Variants in PCLO observed in about 807,000 individuals in gnomAD.
PCLO encodes the protein piccolo presynaptic cytomatrix protein.
Under a neutral mutation model 427.5 loss-of-function variants are expected in PCLO, and 82 were observed. That is an observed-to-expected ratio of 0.19 (90% CI 0.16 to 0.23). The LOEUF (loss-of-function observed/expected upper bound fraction) is 0.23, where lower values mean the gene tolerates loss of function less well. Ranked by LOEUF, PCLO falls within the 10% of genes least tolerant of loss-of-function variation. The pLI is 1.00. For missense variants in PCLO, 6,239 were observed against 6,115.9 expected (o/e 1.02, Z -0.67); for synonymous variants, 2,357 against 2,155.4 (o/e 1.09, Z -2.59).
chr7:82,940,930 T>C (rs1470231553), intron 6 of PCLO, among the ~76,000 whole-genome samples: 1 of 151,348 alleles, frequency 6.6e-6, no homozygotes, highest in Non-Finnish European at 1.5e-5. Context: ...GCCCGGCTAA[T>C]TTTTTGTATT....
At chr7:82,788,211 T>C (rs6972401) in intron 22 of PCLO, among the ~76,000 whole-genome samples, 3,072 of 147,560 alleles carry the variant, frequency 0.021, 62 homozygotes, top group Admixed American at 0.038. Flanking sequence ...ATTTAATATA[T>C]AATTAATAAT....
Position 82,955,898 on chromosome 7 carries a change from T to G in PCLO, c.5055A>C (p.Ser1685=). Residue 1685 remains serine (S), a synonymous_variant, in exon 5 of 25, where the codon TCA becomes TCC. Coordinates refer to ENST00000333891, the MANE Select transcript of PCLO (RefSeq NM_033026.6). ...CAAAATACAAACTTGTTTTTTTCTGTGATGACTCTGCAGAATATTTATCTG... is the reference window on the plus strand; with the variant it reads ...CAAAATACAAACTTGTTTTTTTCTGGGATGACTCTGCAGAATATTTATCTG... The part of the protein sequence containing the change: ...TIADKYSAES[S]QKKTSLYFDE... The G allele has an allele frequency of 1.2e-6, 2 of 1,613,966 alleles. No homozygotes were observed. Among genetic ancestry groups the G allele is most frequent in the Non-Finnish European group, 8.5e-7 (1 of 1,179,876 alleles).
chr7:83,025,384 C>T (rs1359639552), intron 3 of PCLO, among the ~76,000 whole-genome samples: 19 of 149,858 alleles, frequency 1.3e-4, no homozygotes, highest in African/African-American at 4.2e-4. Flanking sequence ...TGAAATGAAG[C>T]GAGAAGGGAA....
chr7:83,087,319 G>A (rs1180544607), intron 3 of PCLO, among the ~76,000 whole-genome samples: 1 of 151,912 alleles, frequency 6.6e-6, no homozygotes, highest in African/African-American at 2.4e-5. Context: ...GGTGGGAGGA[G>A]GGCGACAGAT....
intron 3 of PCLO, among the ~76,000 whole-genome samples, chr7:83,091,118 C>A (rs1790367129): frequency 6.6e-6 from 1 of 152,042 alleles, no homozygotes; most frequent in Non-Finnish European, 1.5e-5. Context: ...TCTCCCACTT[C>A]CACTCACTGA....
At chr7:83,024,938 C>T (rs1195240772) in intron 3 of PCLO, among the ~76,000 whole-genome samples, 2 of 152,124 alleles carry the variant, frequency 1.3e-5, no homozygotes, top group Non-Finnish European at 2.9e-5. Context: ...GACATCTACA[C>T]CAAAAACCCA....
intron 3 of PCLO, among the ~76,000 whole-genome samples, chr7:83,036,302 T>C (rs751118957): frequency 1.3e-5 from 2 of 152,134 alleles, no homozygotes; most frequent in Non-Finnish European, 2.9e-5. Context: ...TAGGTCTGGG[T>C]GGGGAAAGAG....
chr7:83,143,012 G>C (rs1047688854), intron 2 of PCLO, among the ~76,000 whole-genome samples: 2 of 151,960 alleles, frequency 1.3e-5, no homozygotes, highest in African/African-American at 4.8e-5. Context: ...TGGATACCAA[G>C]TAATTTTTAG....
chr7:82,842,054 T>G (rs1792381024), intron 13 of PCLO, among the ~76,000 whole-genome samples: 1 of 152,008 alleles, frequency 6.6e-6, no homozygotes, highest in African/African-American at 2.4e-5. Flanking sequence ...TAAAATTCAT[T>G]TACAGCCACA....
At position 83,100,286 on chromosome 7, in the gene PCLO, T is replaced by A. The variant is rs185676951; in HGVS notation, c.3300+33964A>T. Reference sequence around the variant, plus strand: ...AAAGACCTAAGGACAGAAATACCATTCAATCTAGCAATGTCATTACTGGGA... The same window carrying A: ...AAAGACCTAAGGACAGAAATACCATACAATCTAGCAATGTCATTACTGGGA... On this transcript the variant is annotated intron_variant, in intron 3 of 24. Transcript: ENST00000333891. 8.8e-3 allele frequency among the ~76,000 whole-genome samples: 1,336 copies of A among 152,214 alleles called. 9 individuals carry two copies. The highest frequency in any genetic ancestry group is 0.014 in the Non-Finnish European group (940 of 68,024).
At chr7:82,998,935 T>C (rs917485941) in intron 3 of PCLO, among the ~76,000 whole-genome samples, 2 of 151,644 alleles carry the variant, frequency 1.3e-5, no homozygotes, top group Non-Finnish European at 2.9e-5. Flanking sequence ...AGATGAAGTA[T>C]ATAACATGTA....
chr7:83,060,949 A>C (rs764347959), intron 3 of PCLO, among the ~76,000 whole-genome samples: 2 of 152,236 alleles, frequency 1.3e-5, no homozygotes, highest in Non-Finnish European at 2.9e-5. Context: ...ATATGTCTAA[A>C]CATCAACACT....
chr7:83,087,973 T>C (rs1790282175), intron 3 of PCLO, among the ~76,000 whole-genome samples: 1 of 152,208 alleles, frequency 6.6e-6, no homozygotes, highest in Non-Finnish European at 1.5e-5. Context: ...TCTGAAGGCA[T>C]ACTCTAAATA....
chr7:83,136,296 T>C (rs1346415320), intron 2 of PCLO, among the ~76,000 whole-genome samples: 1 of 152,174 alleles, frequency 6.6e-6, no homozygotes, highest in East Asian at 1.9e-4. Context: ...AAGTTTTATG[T>C]GTTTTTTTAA....
intron 22 of PCLO, among the ~76,000 whole-genome samples, chr7:82,769,308 A>G (rs534646816): frequency 2.4e-4 from 36 of 152,308 alleles, no homozygotes; most frequent in African/African-American, 7.0e-4. Flanking sequence ...GTTATTGTCT[A>G]CATAGGCACA....
chr7:82,761,904 TAGGACAAAAGAAGTAATAG>T (rs1790439475), intron 22 of PCLO, among the ~76,000 whole-genome samples: 1 of 152,010 alleles, frequency 6.6e-6, no homozygotes, highest in Admixed American at 6.6e-5. Flanking sequence ...CTGTAGACTT[TAGGACAAAAGAAGTAATAG>T]ATATGACTGT....
rs751006970 is a variant in PCLO at position 82,915,000 on chromosome 7, C to G, written c.12986G>C (p.Ser4329Thr). The change falls in exon 7 of 25, where the codon AGT becomes ACT. Residue 4329 changes from serine (S) to threonine (T), a missense_variant. By Grantham distance (58) the Ser-to-Thr change is moderately conservative. Around this residue, in one of 5 missense-constraint regions of PCLO, gnomAD observed 680 missense variants for 677.3 expected, o/e 1.00. Transcript: ENST00000333891. ...AGTTCTGGCAGAGGATGATGCATGA[C>G]TAAAGGAAACATCTAGAGCTTCAGC... Reference protein sequence around the residue: ...QEAEALDVSFSHASSSARTKP... With the variant: ...QEAEALDVSFTHASSSARTKP... The G allele has an allele frequency of 6.2e-7, 1 of 1,613,540 alleles. No homozygotes were observed. The highest frequency in any genetic ancestry group is 8.5e-7 in the Non-Finnish European group (1 of 1,179,742).
At chr7:82,923,540 G>A (rs950989210) in intron 6 of PCLO, among the ~76,000 whole-genome samples, 1 of 152,062 alleles carries the variant, frequency 6.6e-6, no homozygotes, top group Non-Finnish European at 1.5e-5. Flanking sequence ...AACTGTAAAT[G>A]TGCAATCACT....
chr7:82,933,807 T>G (rs1794891653), intron 6 of PCLO, among the ~76,000 whole-genome samples: 1 of 152,006 alleles, frequency 6.6e-6, no homozygotes, highest in East Asian at 1.9e-4. Flanking sequence ...GATTCTTCTG[T>G]CTTTACAAGT....
Sources: gnomAD v4.1 joint callset for allele counts (sites outside exome capture counted in the v4.1 genomes callset) on GRCh38, gnomAD v4.1.1 for gene constraint, gnomAD v4.1.1 regional missense constraint, MANE v1.5 for transcripts, NCBI Gene and HGNC (gene_info 2026-07-23, HGNC 2026-07-21) for gene names.